Variants in NUP93 observed in about 807,000 individuals in gnomAD.
The protein encoded by NUP93 is nucleoporin 93.
NUP93 carries 55 observed loss-of-function variants against 107.8 expected under a neutral mutation model. The observed-to-expected ratio is 0.51, with a 90% confidence interval of 0.41 to 0.64. NUP93 has a LOEUF of 0.64. NUP93 is among the 30% of genes least tolerant of loss of function. The pLI is 0.00. For synonymous variants in NUP93, 390 were observed against 397.5 expected, an observed-to-expected ratio of 0.98 and a Z score of 0.22; for missense variants, 937 against 1,044.7, an observed-to-expected ratio of 0.90 and a Z score of 1.42.
chr16:56,780,915 C>G (rs1350064311), intron 3 of NUP93, among the ~76,000 whole-genome samples: 2 of 152,076 alleles, frequency 1.3e-5, no homozygotes, highest in African/African-American at 4.8e-5. Flanking sequence ...CATCTGGTGC[C>G]TTGGTCTTAG....
chr16:56,834,303 A>G, intron 14 of NUP93, 49 bp downstream of exon 14: 1 of 1,613,300 alleles, frequency 6.2e-7, no homozygotes, highest in Non-Finnish European at 8.5e-7. Flanking sequence ...AATTTCTGCC[A>G]TTCTGAGAAT....
chr16:56,803,342 G>T lies in NUP93; in HGVS notation c.361-2162G>T, dbSNP rs911692443. ...TAGCCAGGTGTGGTGGTGCATGCTT[G>T]TAATCCCAGCTACTTGGGAGGCTGA... On this transcript the variant is annotated intron_variant, in intron 4 of 21. Transcript: ENST00000308159. Among the ~76,000 whole-genome samples the T allele has an allele frequency of 2.0e-5, 3 of 152,166 alleles. No homozygotes were observed. The East Asian group carries it at 5.8e-4, about 29-fold the overall frequency.
chr16:56,829,515 G>T (rs1326932983), intron 9 of NUP93, among the ~76,000 whole-genome samples: 1 of 152,188 alleles, frequency 6.6e-6, no homozygotes, highest in Non-Finnish European at 1.5e-5. Flanking sequence ...CAGTTGGGGA[G>T]ATTATCATAC....
Position 56,758,561 on chromosome 16 carries a change from G to A in NUP93, c.203G>A (p.Gly68Glu). The change falls in exon 3 of 22, where the codon GGA becomes GAA. Residue 68 changes from glycine to glutamate, a missense_variant. Transcript: ENST00000308159. ...AGGTCAGTTCTCCTCGGGTCTCGGG[G>A]ACTTGACATATCCCACATCTCCCAG... ...VKASVLLGSR[G>E]LDISHISQRL... 6.2e-7 allele frequency: 1 copy of A among 1,613,708 alleles called. No individual in the cohort carries two copies. The highest frequency in any genetic ancestry group is 8.5e-7 in the Non-Finnish European group (1 of 1,179,798).
chr16:56,828,977 T>C lies in NUP93; in HGVS notation c.795T>C (p.Ser265=). 1.2e-6 allele frequency: 2 copies of C among 1,612,840 alleles called. No individual in the cohort carries two copies. The highest frequency in any genetic ancestry group is 1.7e-6 in the Non-Finnish European group (2 of 1,179,718). ...GTTTTTTCCTTTAAAATTTTTCCAG[T>C]TATAAGAATTACACCCTTGTGACTG... is the stretch of plus-strand genomic sequence containing the variant. ...VRQALAYLEQ[S]YKNYTLVTVF... The change falls in exon 9 of 22, where the codon AGT becomes AGC. Residue 265 remains serine, a splice_region_variant and synonymous_variant. Transcript: ENST00000308159.
intron 1 of NUP93, among the ~76,000 whole-genome samples, chr16:56,737,490 G>A (rs1268653392): frequency 1.3e-5 from 2 of 152,094 alleles, no homozygotes; most frequent in African/African-American, 2.4e-5. Context: ...CTTAGTACCC[G>A]AAAAGCTCTG....
intron 3 of NUP93, among the ~76,000 whole-genome samples, chr16:56,779,819 T>C (rs1331581193): frequency 6.6e-6 from 1 of 152,202 alleles, no homozygotes; most frequent in African/African-American, 2.4e-5. Flanking sequence ...GTGAAGTTTT[T>C]TTCAGTAAAT....
In NUP93 at chr16:56,758,646, T is replaced by C. The variant is rs1211050129; in HGVS notation, c.288T>C (p.Thr96=). The C allele has an allele frequency of 1.4e-5, 22 of 1,613,142 alleles. No homozygotes were observed. Among genetic ancestry groups the C allele is most frequent in the Non-Finnish European group, 1.9e-5 (22 of 1,179,192 alleles). The stretch of plus-strand genomic sequence containing the variant: ...AGCCTCTTGAGCCTGTGAAGGACAC[T>C]GACATTCAGGTAAGGGCTGCCAAGT... The part of the protein sequence containing the change: ...TFEPLEPVKD[T]DIQGFLKNEK... The change falls in exon 3 of 22, where the codon ACT becomes ACC. Residue 96 remains threonine, a synonymous_variant. Transcript: ENST00000308159.
chr16:56,770,072 C>T (rs1467166106), intron 3 of NUP93, among the ~76,000 whole-genome samples: 2 of 152,208 alleles, frequency 1.3e-5, no homozygotes. Context: ...TGAACATTAA[C>T]ACCTGATGTC....
chr16:56,815,911 C>CTGCTGGTGCTGCTGCTGCTGG (rs1963419725), intron 5 of NUP93, among the ~76,000 whole-genome samples: 1 of 150,416 alleles, frequency 6.6e-6, no homozygotes, highest in Non-Finnish European at 1.5e-5. Flanking sequence ...GCTGCTGCTG[C>CTGCTGGTGCTGCTGCTGCTGG]TGCTGGTGCT....
At chr16:56,740,056 C>T (rs1418340865) in intron 1 of NUP93, among the ~76,000 whole-genome samples, 3 of 83,978 alleles carry the variant, frequency 3.6e-5, no homozygotes, top group Non-Finnish European at 2.3e-5. Context: ...CCAGACGGGG[C>T]GGCTGGCCGG....
chr16:56,823,189 TGTGACGCTCACCAA>T (rs763195095), intron 7 of NUP93, among the ~76,000 whole-genome samples: 15 of 152,300 alleles, frequency 9.8e-5, no homozygotes, highest in Non-Finnish European at 2.1e-4. Flanking sequence ...AATGGGAGGC[TGTGACGCTCACCAA>T]GTAACGTAAG....
At position 56,837,669 on chromosome 16, in the gene NUP93, G is replaced by A. The variant is rs1467494541; in HGVS notation, c.1961G>A (p.Ser654Asn). 1 of 1,614,182 alleles carries A rather than the reference G, an allele frequency of 6.2e-7. No individual in the cohort carries two copies. The highest frequency in any genetic ancestry group is 1.7e-5 in the Admixed American group (1 of 60,030). The change falls in exon 18 of 22, where the codon AGT (serine) becomes AAT (asparagine). Residue 654 changes from serine to asparagine, a missense_variant. Ser to Asn is a conservative substitution (Grantham distance 46). Transcript: ENST00000308159. ...KLLSPVVPQI[S>N]APQSNKERLK... Reference sequence around the variant, plus strand: ...CTGAGCCCTGTCGTCCCCCAGATCAGTGCCCCGCAATCCAACAAGGAGAGG... The same window carrying A: ...CTGAGCCCTGTCGTCCCCCAGATCAATGCCCCGCAATCCAACAAGGAGAGG...
chr16:56,793,069 GCAATAATGT>G (rs1390372407), intron 3 of NUP93, among the ~76,000 whole-genome samples: 1 of 152,198 alleles, frequency 6.6e-6, no homozygotes, highest in Non-Finnish European at 1.5e-5. Flanking sequence ...TAAAGGATTA[GCAATAATGT>G]CTTTGAATTG....
At chr16:56,765,301 A>G (rs1962197335) in intron 3 of NUP93, among the ~76,000 whole-genome samples, 1 of 152,320 alleles carries the variant, frequency 6.6e-6, no homozygotes, top group Admixed American at 6.5e-5. Context: ...CTCCTTTGTT[A>G]TATTCCTCTT....
chr16:56,802,966 C>G (rs1257639859), intron 4 of NUP93, among the ~76,000 whole-genome samples: 1 of 151,938 alleles, frequency 6.6e-6, no homozygotes, highest in Non-Finnish European at 1.5e-5. Flanking sequence ...TTCCCTCTCC[C>G]ACCCCCTCCC....
At chr16:56,805,027 A>G (rs1963105109) in intron 4 of NUP93, among the ~76,000 whole-genome samples, 1 of 151,808 alleles carries the variant, frequency 6.6e-6, no homozygotes, top group Non-Finnish European at 1.5e-5. Context: ...TTTTTTGGAG[A>G]TAAGGTCTTG....
At chr16:56,785,598 C>A (rs1378675629) in intron 3 of NUP93, among the ~76,000 whole-genome samples, 1 of 152,140 alleles carries the variant, frequency 6.6e-6, no homozygotes, top group Non-Finnish European at 1.5e-5. Flanking sequence ...GCATGTCAGC[C>A]AGCTCGCTAG....
At chr16:56,788,754 A>G (rs963123668) in intron 3 of NUP93, among the ~76,000 whole-genome samples, 27 of 152,226 alleles carry the variant, frequency 1.8e-4, no homozygotes, top group African/African-American at 5.8e-4. Context: ...CAGATGCGCT[A>G]AGCAGCCCTA....
Sources: gnomAD v4.1 joint callset for allele counts (sites outside exome capture counted in the v4.1 genomes callset) on GRCh38, gnomAD v4.1.1 for gene constraint, MANE v1.5 for transcripts, NCBI Gene and HGNC (gene_info 2026-07-23, HGNC 2026-07-21) for gene names.